ITGBL1: variants seen among roughly 807,000 people sequenced by gnomAD.
ITGBL1 encodes the protein integrin subunit beta like 1, also known as integrin beta-like protein 1.
In ITGBL1, 51 loss-of-function variants were observed where a neutral mutation model predicts 68.5. The ratio of observed to expected loss-of-function variants is 0.74; its 90% CI spans 0.59 to 0.94. ITGBL1 has a LOEUF of 0.94. ITGBL1 is among the 40% of genes least tolerant of loss of function. ITGBL1 has a pLI of 0.00. For synonymous variants in ITGBL1, 209 were observed against 227.3 expected (o/e 0.92, Z 0.72); for missense variants, 649 against 647.4 (o/e 1.00, Z -0.03).
intron 2 of ITGBL1, among the ~76,000 whole-genome samples, chr13:101,559,861 C>A (rs534265848): frequency 6.6e-6 from 1 of 152,258 alleles, no homozygotes; most frequent in East Asian, 1.9e-4. Context: ...ATTAGATTCC[C>A]TTTCTTCTCT....
chr13:101,634,555 A>C (rs1207395200), intron 7 of ITGBL1, among the ~76,000 whole-genome samples: 1 of 152,164 alleles, frequency 6.6e-6, no homozygotes, highest in Non-Finnish European at 1.5e-5. Flanking sequence ...ATATAAAGAA[A>C]GTTTTGAGAA....
intron 4 of ITGBL1, among the ~76,000 whole-genome samples, chr13:101,576,816 A>G (rs760729469): frequency 2.0e-4 from 31 of 152,190 alleles, no homozygotes; most frequent in Non-Finnish European, 4.1e-4. Flanking sequence ...TTTCCGAGCC[A>G]ATGACCTAAG....
intron 2 of ITGBL1, among the ~76,000 whole-genome samples, chr13:101,457,153 T>A (rs76098277): frequency 0.014 from 2,137 of 152,290 alleles, 18 homozygotes; most frequent in Non-Finnish European, 0.022. Context: ...AATGTATATA[T>A]ACATAATATT....
At position 101,496,696 on chromosome 13, in the gene ITGBL1, C is replaced by T. The variant is rs572524178; in HGVS notation, c.316+42596C>T. ...TTGCCACTGCTCTCTGTCATTATAGCGGTAATCACAAATCCACACATATAT... is the reference window on the plus strand; with the variant it reads ...TTGCCACTGCTCTCTGTCATTATAGTGGTAATCACAAATCCACACATATAT... On this transcript the variant is annotated intron_variant, in intron 2 of 10. Coordinates refer to ENST00000376180, the MANE Select transcript of ITGBL1 (RefSeq NM_004791.3). Among the ~76,000 whole-genome samples the T allele has an allele frequency of 2.6e-5, 4 of 152,186 alleles. No individual in the cohort carries two copies. In the South Asian group the frequency reaches 8.3e-4, roughly 32 times the overall value.
chr13:101,553,802 G>A (rs1385926005), intron 2 of ITGBL1, among the ~76,000 whole-genome samples: 3 of 151,898 alleles, frequency 2.0e-5, no homozygotes, highest in Non-Finnish European at 4.4e-5. Context: ...TTGAGACAGA[G>A]TTTCTCTCAT....
chr13:101,629,071 G>C (rs75569192), intron 7 of ITGBL1, among the ~76,000 whole-genome samples: 1,626 of 151,952 alleles, frequency 0.011, 27 homozygotes, highest in African/African-American at 0.036. Flanking sequence ...TTTTTGTTTT[G>C]TTTAGTTGTT....
At chr13:101,652,766 C>T (rs2032790689) in intron 7 of ITGBL1, among the ~76,000 whole-genome samples, 1 of 152,070 alleles carries the variant, frequency 6.6e-6, no homozygotes, top group African/African-American at 2.4e-5. Flanking sequence ...GAAATAGACG[C>T]ACCAAAGTTA....
At chr13:101,453,797 G>A (rs1231254596) in intron 1 of ITGBL1, 86 bp from the exon 2 acceptor site, 2 of 854,080 alleles carry the variant, frequency 2.3e-6, no homozygotes, top group Non-Finnish European at 3.1e-6. Flanking sequence ...GCACCTGGAG[G>A]GGACACTGGG....
chr13:101,693,884 G>C (rs900983259), intron 8 of ITGBL1, among the ~76,000 whole-genome samples: 7 of 152,088 alleles, frequency 4.6e-5, no homozygotes, highest in African/African-American at 1.7e-4. Context: ...TGGAGCAGTA[G>C]GATATAAAAA....
At chr13:101,542,500 T>C (rs2139189720) in intron 2 of ITGBL1, among the ~76,000 whole-genome samples, 1 of 152,300 alleles carries the variant, frequency 6.6e-6, no homozygotes, top group Non-Finnish European at 1.5e-5. Flanking sequence ...TTGGAATAAG[T>C]GTGGTGTGGT....
intron 3 of ITGBL1, among the ~76,000 whole-genome samples, chr13:101,573,834 G>T (rs1572326): frequency 0.24 from 35,994 of 151,986 alleles, 4,274 homozygotes; most frequent in African/African-American, 0.27. Flanking sequence ...AACCAAATTA[G>T]CAACAGCTTC....
chr13:101,553,522 G>A (rs1433376750), intron 2 of ITGBL1, among the ~76,000 whole-genome samples: 1 of 152,066 alleles, frequency 6.6e-6, no homozygotes, highest in Non-Finnish European at 1.5e-5. Context: ...GGTTTGCAAG[G>A]GTTACTATAA....
chr13:101,520,097 G>C (rs1355903541), intron 2 of ITGBL1, among the ~76,000 whole-genome samples: 1 of 152,108 alleles, frequency 6.6e-6, no homozygotes, highest in Non-Finnish European at 1.5e-5. Context: ...AGAGGGATTT[G>C]CTGCAGATCA....
Position 101,673,163 on chromosome 13 carries a change from C to G in ITGBL1, c.1016-19422C>G, listed in dbSNP as rs138155078. On this transcript the variant is annotated intron_variant, in intron 7 of 10. Coordinates refer to ENST00000376180, the MANE Select transcript of ITGBL1 (RefSeq NM_004791.3). ...TAAGATTCCTTATCATAATGAGACT[C>G]TTGCCCCTCTTAATTTTTCCTTGCT... Among the ~76,000 whole-genome samples, 1,062 of 152,290 alleles carry G rather than the reference C, an allele frequency of 7.0e-3. 12 individuals are homozygous for G. Among genetic ancestry groups the G allele is most frequent in the African/African-American group, 0.023 (969 of 41,566 alleles).
intron 2 of ITGBL1, among the ~76,000 whole-genome samples, chr13:101,542,004 C>T (rs562221236): frequency 1.3e-5 from 2 of 152,076 alleles, no homozygotes; most frequent in East Asian, 3.8e-4. Context: ...TTCAAGAAAC[C>T]AGCTCCTGGA....
At chr13:101,636,333 A>G (rs888527248) in intron 7 of ITGBL1, among the ~76,000 whole-genome samples, 15 of 152,250 alleles carry the variant, frequency 9.9e-5, no homozygotes, top group African/African-American at 3.6e-4. Context: ...ACTCAAACAT[A>G]TATCCACTTA....
intron 2 of ITGBL1, among the ~76,000 whole-genome samples, chr13:101,538,751 G>A (rs943584543): frequency 1.3e-5 from 2 of 152,074 alleles, no homozygotes; most frequent in Non-Finnish European, 2.9e-5. Flanking sequence ...GAAATGTCAG[G>A]CATGTAAGGG....
intron 6 of ITGBL1, among the ~76,000 whole-genome samples, chr13:101,589,822 G>A (rs924961531): frequency 6.6e-6 from 1 of 152,154 alleles, no homozygotes; most frequent in Admixed American, 6.5e-5. Flanking sequence ...GGTGAAGCAC[G>A]CATTTAGAAG....
At chr13:101,655,980 C>T (rs2032908947) in intron 7 of ITGBL1, among the ~76,000 whole-genome samples, 2 of 151,810 alleles carry the variant, frequency 1.3e-5, no homozygotes, top group Non-Finnish European at 2.9e-5. Flanking sequence ...TTTAGGATGG[C>T]GTGAGACATC....
Sources: gnomAD v4.1 joint callset for allele counts (sites outside exome capture counted in the v4.1 genomes callset) on GRCh38, gnomAD v4.1.1 for gene constraint, MANE v1.5 for transcripts, NCBI Gene and HGNC (gene_info 2026-07-23, HGNC 2026-07-21) for gene names.